The following MEIOC variants were observed in gnomAD, a reference collection of about 807,000 sequenced individuals.
The protein encoded by MEIOC is meiosis-specific coiled-coil domain-containing protein MEIOC.
MEIOC carries 9 observed loss-of-function variants against 85.3 expected under a neutral mutation model. That is an observed-to-expected ratio of 0.11 (90% CI 0.06 to 0.18). The LOEUF (loss-of-function observed/expected upper bound fraction) is 0.18, where lower values mean the gene tolerates loss of function less well. Ranked by LOEUF, MEIOC falls within the 10% of genes least tolerant of loss-of-function variation. MEIOC has a pLI of 1.00. For missense variants in MEIOC, 898 were observed against 1,129.4 expected, an observed-to-expected ratio of 0.80 and a Z score of 2.94; for synonymous variants, 365 against 393.7, an observed-to-expected ratio of 0.93 and a Z score of 0.86.
chr17:44,657,232 G>T lies in MEIOC; in HGVS notation c.175G>T (p.Ala59Ser), dbSNP rs1325413322. 1.2e-5 allele frequency: 18 copies of T among 1,551,872 alleles called. No individual in the cohort carries two copies. Among genetic ancestry groups the T allele is most frequent in the Non-Finnish European group, 1.5e-5 (17 of 1,146,952 alleles). The change falls in exon 2 of 8, where the codon GCT becomes TCT. Residue 59 changes from alanine to serine, a missense_variant. Around this residue, in one of 2 missense-constraint regions of MEIOC, gnomAD observed 734 missense variants for 860.1 expected, o/e 0.85. Coordinates refer to ENST00000409122, the MANE Select transcript of MEIOC (RefSeq NM_001145080.3). Reference sequence around the variant, plus strand: ...CGGCAGCGTGATGTTGACTGGCTCCGCTTCCTTCTACGATTGCTACACATC... The same window carrying T: ...CGGCAGCGTGATGTTGACTGGCTCCTCTTCCTTCTACGATTGCTACACATC... ...VFGSVMLTGSASFYDCYTSQS... is the reference protein window; with the variant it reads ...VFGSVMLTGSSSFYDCYTSQS...
chr17:44,665,406 T>G lies in MEIOC; in HGVS notation c.382T>G (p.Tyr128Asp). The G allele has an allele frequency of 6.5e-7, 1 of 1,542,384 alleles. No individual in the cohort carries two copies. Among genetic ancestry groups the G allele is most frequent in the Non-Finnish European group, 8.8e-7 (1 of 1,141,930 alleles). The change falls in exon 4 of 8, where the codon TAT becomes GAT. Residue 128 changes from tyrosine (Y) to aspartate (D), a missense_variant. Physicochemically the swap from Tyr to Asp is radical, Grantham distance 160 (BLOSUM62 -3). Around this residue, in one of 2 missense-constraint regions of MEIOC, gnomAD observed 734 missense variants for 860.1 expected, o/e 0.85. Coordinates refer to ENST00000409122, the MANE Select transcript of MEIOC (RefSeq NM_001145080.3). Reference protein sequence around the residue: ...KNRIQTERNDYGSETDLYGLV... With the variant: ...KNRIQTERNDDGSETDLYGLV... The stretch of plus-strand genomic sequence containing the variant: ...TAGGATTCAAACAGAAAGAAATGAC[T>G]ATGGCAGTGAAACAGACTTATATGG...
At chr17:44,663,618 C>T (rs772006437) in intron 3 of MEIOC, among the ~76,000 whole-genome samples, 17 of 152,096 alleles carry the variant, frequency 1.1e-4, no homozygotes, top group Non-Finnish European at 2.2e-4. Context: ...TGAAAAAATT[C>T]AAACTTTTCA....
intron 3 of MEIOC, among the ~76,000 whole-genome samples, chr17:44,662,880 T>C (rs1318771718): frequency 2.0e-5 from 3 of 152,176 alleles, no homozygotes; most frequent in African/African-American, 7.2e-5. Context: ...TTGCCTAGGC[T>C]GGTCTTGAAC....
intron 1 of MEIOC, 27 bp downstream of exon 1, chr17:44,656,709 A>AG: frequency 6.8e-7 from 1 of 1,462,250 alleles, no homozygotes; most frequent in Non-Finnish European, 9.1e-7. Context: ...GGCAGGGTCC[A>AG]GGGGGCGGCC....
rs754405656 is a variant in MEIOC, at chr17:44,669,501, T to G, written c.2441T>G (p.Leu814Arg). Reference sequence around the variant, plus strand: ...GTTGATCGCTTAATTGTGGATGAACTTCGAGAACTAGCCAGAGTAAGCTGT... The same window carrying G: ...GTTGATCGCTTAATTGTGGATGAACGTCGAGAACTAGCCAGAGTAAGCTGT... ...SRVDRLIVDE[L>R]RELARVVTLL... Residue 814 changes from leucine (L) to arginine (R), a missense_variant, in exon 6 of 8, where the codon CTT becomes CGT. By Grantham distance (102) the Leu-to-Arg change is moderately radical. Transcript: ENST00000409122. The G allele has an allele frequency of 3.7e-5, 58 of 1,552,682 alleles. No homozygotes were observed. The highest frequency in any genetic ancestry group is 5.0e-5 in the Non-Finnish European group (57 of 1,147,514).
chr17:44,668,158 A>G lies in MEIOC; in HGVS notation c.2247A>G (p.Gly749=). 6.2e-7 allele frequency: 1 copy of G among 1,613,072 alleles called. No homozygotes were observed. The highest frequency in any genetic ancestry group is 8.5e-7 in the Non-Finnish European group (1 of 1,179,564). The change falls in exon 5 of 8, where the codon GGA becomes GGG. Residue 749 remains glycine (G), a synonymous_variant. Transcript: ENST00000409122. ...AAAGACCAATTAAAACCCGTAGTGG[A>G]CCAGCCAGTGAACTTCATATTCGTC... The part of the protein sequence containing the change: ...GFQRPIKTRS[G]PASELHIRLE...
chr17:44,673,279 C>T, intron 6 of MEIOC, 87 bp from the exon 7 acceptor site: 1 of 913,316 alleles, frequency 1.1e-6, no homozygotes, highest in Non-Finnish European at 1.6e-6. Flanking sequence ...TTATTGCTGT[C>T]ATCTCTATTC....
intron 2 of MEIOC, among the ~76,000 whole-genome samples, chr17:44,659,262 C>T (rs1483427496): frequency 6.6e-6 from 1 of 152,150 alleles, no homozygotes. Flanking sequence ...AGAAACTGAG[C>T]CTCAGAGAGC....
chr17:44,657,332 A>G (rs1971776846), intron 2 of MEIOC, 71 bp downstream of exon 2: 2 of 1,180,422 alleles, frequency 1.7e-6, no homozygotes, highest in East Asian at 3.2e-5. Flanking sequence ...ACCGATTCAT[A>G]GGTGTTTAAT....
At chr17:44,663,636 A>G (rs1568132982) in intron 3 of MEIOC, among the ~76,000 whole-genome samples, 1 of 152,238 alleles carries the variant, frequency 6.6e-6, no homozygotes, top group Non-Finnish European at 1.5e-5. Context: ...TCAGAAATAT[A>G]TATCAAGAAA....
downstream of MEIOC, chr17:44,675,825 A>G (rs1016173073): frequency 2.1e-5 from 18 of 851,356 alleles, no homozygotes; most frequent in Non-Finnish European, 2.5e-5. Context: ...TTCTAAATTC[A>G]TATGTTTCTA....
At position 44,666,967 on chromosome 17, in the gene MEIOC, A is replaced by T. The variant is rs760898313; in HGVS notation, c.1056A>T (p.Lys352Asn). 3.7e-6 allele frequency: 6 copies of T among 1,612,862 alleles called. No individual in the cohort carries two copies. Among genetic ancestry groups the T allele is most frequent in the Non-Finnish European group, 5.1e-6 (6 of 1,179,300 alleles). ...CSNFSVQDSK[K>N]LANGTPETPT... Reference sequence around the variant, plus strand: ...ATTTTAGTGTCCAAGATAGCAAAAAATTAGCCAATGGCACACCTGAAACAC... The same window carrying T: ...ATTTTAGTGTCCAAGATAGCAAAAATTTAGCCAATGGCACACCTGAAACAC... The change falls in exon 5 of 8, where the codon AAA becomes AAT. Residue 352 changes from lysine to asparagine, a missense_variant. By Grantham distance (94) the Lys-to-Asn change is moderately conservative. Around this residue, in one of 2 missense-constraint regions of MEIOC, gnomAD observed 734 missense variants for 860.1 expected, o/e 0.85. Coordinates refer to ENST00000409122, the MANE Select transcript of MEIOC (RefSeq NM_001145080.3).
Position 44,669,443 on chromosome 17 carries a change from C to T in MEIOC, c.2383C>T (p.Pro795Ser), listed in dbSNP as rs867472555. The T allele has an allele frequency of 8.3e-6, 13 of 1,567,584 alleles. No individual in the cohort carries two copies. The highest frequency in any genetic ancestry group is 1.1e-5 in the Non-Finnish European group (13 of 1,155,148). The change falls in exon 6 of 8, where the codon CCA becomes TCA. Residue 795 changes from proline (P) to serine (S), a missense_variant. Physicochemically the swap from Pro to Ser is moderately conservative, Grantham distance 74. Around this residue, in one of 2 missense-constraint regions of MEIOC, gnomAD observed 164 missense variants for 269.2 expected, o/e 0.61. Transcript: ENST00000409122. The part of the protein sequence containing the change: ...GKKVSSTNNT[P>S]VPRLTSNPSR... ...AAAAGTATCCAGTACTAACAACACT[C>T]CAGTTCCAAGGCTGACTTCCAACCC...
chr17:44,665,059 C>T (rs1430439563), intron 3 of MEIOC: 2 of 838,508 alleles, frequency 2.4e-6, no homozygotes, highest in Non-Finnish European at 2.9e-6. Flanking sequence ...TGATACCAAG[C>T]ATGTCTGTGA....
At chr17:44,660,137 C>A (rs374633725) in intron 2 of MEIOC, among the ~76,000 whole-genome samples, 7 of 151,966 alleles carry the variant, frequency 4.6e-5, no homozygotes, top group African/African-American at 1.7e-4. Flanking sequence ...GTGATCATAT[C>A]TATTAGGAAC....
At chr17:44,657,008 C>T in intron 1 of MEIOC, 119 bp from the exon 2 acceptor site, 1 of 1,231,416 alleles carries the variant, frequency 8.1e-7, no homozygotes, top group Non-Finnish European at 1.1e-6. Context: ...ACATTCGTGT[C>T]CTCTGAGAGG....
Position 44,667,563 on chromosome 17 carries a change from G to T in MEIOC, c.1652G>T (p.Ser551Ile). The change falls in exon 5 of 8, where the codon AGT becomes ATT. Residue 551 changes from serine to isoleucine, a missense_variant. Transcript: ENST00000409122. The part of the protein sequence containing the change: ...SAFSSFDFSY[S>I]GAERIQSVNH... ...TTTTCTAGTTTTGATTTTAGTTACA[G>T]TGGTGCAGAAAGAATCCAATCTGTC... 6.2e-7 allele frequency: 1 copy of T among 1,613,866 alleles called. No individual in the cohort carries two copies. Among genetic ancestry groups the T allele is most frequent in the Non-Finnish European group, 8.5e-7 (1 of 1,179,840 alleles).
chr17:44,667,728 A>G lies in MEIOC; in HGVS notation c.1817A>G (p.His606Arg), dbSNP rs1330814249. 2.7e-5 allele frequency: 43 copies of G among 1,613,676 alleles called. No homozygotes were observed. The highest frequency in any genetic ancestry group is 3.3e-5 in the Non-Finnish European group (39 of 1,179,808). The part of the protein sequence containing the change: ...KYGIIENVNK[H>R]NFQAKPQSGH... ...GGGATAATTGAAAATGTAAACAAAC[A>G]TAATTTTCAAGCCAAGCCCCAGAGT... The change falls in exon 5 of 8, where the codon CAT becomes CGT. Residue 606 changes from histidine to arginine, a missense_variant. Around this residue, in one of 2 missense-constraint regions of MEIOC, gnomAD observed 734 missense variants for 860.1 expected, o/e 0.85. Transcript: ENST00000409122.
rs368657864 is a variant in MEIOC at position 44,674,079 on chromosome 17, C to T, written c.2742C>T (p.Ala914=). Residue 914 remains alanine, a synonymous_variant, in exon 8 of 8, where the codon GCC becomes GCT. Coordinates refer to ENST00000409122, the MANE Select transcript of MEIOC (RefSeq NM_001145080.3). ...TGCAGATGACCTTGCCAAAAACAGCCAGTACAGCTGATGTGGTAAAGCCTT... is the reference window on the plus strand; with the variant it reads ...TGCAGATGACCTTGCCAAAAACAGCTAGTACAGCTGATGTGGTAAAGCCTT... ...CALQMTLPKT[A]STADVVKPLQ... The T allele has an allele frequency of 2.6e-6, 4 of 1,551,532 alleles. No individual in the cohort carries two copies. Among genetic ancestry groups the T allele is most frequent in the African/African-American group, 1.4e-5 (1 of 73,012 alleles).
Sources: allele counts gnomAD v4.1 joint callset (sites outside exome capture counted in the v4.1 genomes callset), GRCh38; gene constraint gnomAD v4.1.1; regional missense constraint gnomAD v4.1.1; transcripts MANE v1.5; gene names NCBI Gene and HGNC (gene_info 2026-07-23, HGNC 2026-07-21).